Variants in PLD5 observed in about 807,000 individuals in gnomAD.
PLD5 encodes inactive phospholipase D5.
A neutral mutation model predicts 61.1 loss-of-function variants in PLD5; 36 were observed. The ratio of observed to expected loss-of-function variants is 0.59; its 90% CI spans 0.45 to 0.78. The LOEUF (loss-of-function observed/expected upper bound fraction) is 0.78. Ranked by LOEUF, PLD5 falls within the 30% of genes least tolerant of loss-of-function variation. PLD5 has a pLI of 0.00. For synonymous variants in PLD5, 243 were observed against 242.8 expected (o/e 1.00, Z -0.01); for missense variants, 515 against 644.4 (o/e 0.80, Z 2.17).
At chr1:242,196,585 T>C (rs1668650407) in intron 5 of PLD5, among the ~76,000 whole-genome samples, 1 of 152,188 alleles carries the variant, frequency 6.6e-6, no homozygotes, top group African/African-American at 2.4e-5. Flanking sequence ...CATGTACATA[T>C]ACATGTACAC....
chr1:242,311,147 C>T (rs888906506), intron 2 of PLD5, among the ~76,000 whole-genome samples: 6 of 151,982 alleles, frequency 3.9e-5, no homozygotes, highest in Non-Finnish European at 7.4e-5. Context: ...TAAACAAAAA[C>T]GCCAAGTAAC....
chr1:242,443,575 G>A (rs991366192), intron 1 of PLD5, among the ~76,000 whole-genome samples: 1 of 152,148 alleles, frequency 6.6e-6, no homozygotes, highest in African/African-American at 2.4e-5. Context: ...GGAAGTTAGA[G>A]ATGAAGTACA....
chr1:242,173,212 G>T (rs1445289061), intron 5 of PLD5, among the ~76,000 whole-genome samples: 1 of 152,106 alleles, frequency 6.6e-6, no homozygotes, highest in African/African-American at 2.4e-5. Flanking sequence ...AAAGTCTCAG[G>T]ATACAAAATC....
At chr1:242,242,064 G>A (rs1304933302) in intron 4 of PLD5, among the ~76,000 whole-genome samples, 1 of 141,952 alleles carries the variant, frequency 7.0e-6, no homozygotes, top group Non-Finnish European at 1.5e-5. Context: ...ATGGAGAGAA[G>A]GATGTGGAGA....
intron 5 of PLD5, among the ~76,000 whole-genome samples, chr1:242,213,366 T>C (rs926864198): frequency 3.3e-5 from 5 of 152,184 alleles, no homozygotes; most frequent in Non-Finnish European, 7.3e-5. Context: ...ATTTTATGGA[T>C]GATATTTTAC....
chr1:242,362,571 C>A (rs1048259056), intron 1 of PLD5, among the ~76,000 whole-genome samples: 1 of 152,118 alleles, frequency 6.6e-6, no homozygotes, highest in Admixed American at 6.6e-5. Context: ...TTATCTTGAG[C>A]TCCTAGTGAT....
chr1:242,304,721 T>G (rs2149165279), intron 2 of PLD5, among the ~76,000 whole-genome samples: 1 of 152,376 alleles, frequency 6.6e-6, no homozygotes, highest in African/African-American at 2.4e-5. Context: ...TTTCTTGATA[T>G]AAAACTTCAG....
intron 1 of PLD5, among the ~76,000 whole-genome samples, chr1:242,410,277 A>G (rs1664476162): frequency 1.3e-5 from 2 of 152,192 alleles, no homozygotes; most frequent in Admixed American, 6.5e-5. Flanking sequence ...AGCTAAGCAC[A>G]TCCAAGATAC....
chr1:242,101,227 A>G (rs926620122), intron 8 of PLD5, among the ~76,000 whole-genome samples: 4 of 152,224 alleles, frequency 2.6e-5, no homozygotes, highest in African/African-American at 9.6e-5. Context: ...CCAAGGTCAA[A>G]AGAGACTTTG....
chr1:242,428,876 G>C (rs1665569710), intron 1 of PLD5, among the ~76,000 whole-genome samples: 1 of 152,196 alleles, frequency 6.6e-6, no homozygotes, highest in Non-Finnish European at 1.5e-5. Context: ...GCATGACAAA[G>C]AAATCACAAA....
intron 1 of PLD5, among the ~76,000 whole-genome samples, chr1:242,350,021 T>A (rs1401015558): frequency 6.6e-6 from 1 of 151,856 alleles, no homozygotes; most frequent in Non-Finnish European, 1.5e-5. Context: ...TACACTCCAG[T>A]GTGGGCATCA....
At chr1:242,143,869 T>TC (rs1374907148) in intron 5 of PLD5, among the ~76,000 whole-genome samples, 1 of 150,990 alleles carries the variant, frequency 6.6e-6, no homozygotes, top group Non-Finnish European at 1.5e-5. Context: ...TGAGTCAGAG[T>TC]CTTGATCTGT....
At chr1:242,124,271 G>A (rs1662607840) in intron 6 of PLD5, 197 bp downstream of exon 6, 1 of 547,606 alleles carries the variant, frequency 1.8e-6, no homozygotes. Flanking sequence ...TCTGACACAA[G>A]GAATGATGAT....
chr1:242,285,231 C>T (rs1674953875), intron 3 of PLD5, among the ~76,000 whole-genome samples: 1 of 152,230 alleles, frequency 6.6e-6, no homozygotes, highest in Non-Finnish European at 1.5e-5. Context: ...TACCTTTCTA[C>T]ATCAATAACA....
At chr1:242,339,023 T>A (rs1659685552) in intron 2 of PLD5, among the ~76,000 whole-genome samples, 2 of 152,204 alleles carry the variant, frequency 1.3e-5, no homozygotes, top group South Asian at 4.2e-4. Context: ...TTTTTCTAAC[T>A]CATTTCTACA....
chr1:242,308,525 T>G (rs2149170475), intron 2 of PLD5, among the ~76,000 whole-genome samples: 1 of 152,300 alleles, frequency 6.6e-6, no homozygotes, highest in South Asian at 2.1e-4. Context: ...ATATTAAAAT[T>G]ATTACAAATC....
chr1:242,274,099 T>C (rs1238932919), intron 3 of PLD5, among the ~76,000 whole-genome samples: 3 of 152,224 alleles, frequency 2.0e-5, no homozygotes, highest in South Asian at 4.1e-4. Context: ...AAGCCAGCTA[T>C]ATAAAAGTAA....
chr1:242,433,384 G>C (rs1245011583), intron 1 of PLD5, among the ~76,000 whole-genome samples: 1 of 152,116 alleles, frequency 6.6e-6, no homozygotes, highest in Non-Finnish European at 1.5e-5. Context: ...GTACAATCCT[G>C]GGAACTCATT....
intron 4 of PLD5, among the ~76,000 whole-genome samples, chr1:242,227,679 T>C (rs1671037835): frequency 6.6e-6 from 1 of 152,184 alleles, no homozygotes; most frequent in African/African-American, 2.4e-5. Context: ...CACTGTTCTT[T>C]ATGTGTGGAT....
Sources: allele counts gnomAD v4.1 joint callset (sites outside exome capture counted in the v4.1 genomes callset), GRCh38; gene constraint gnomAD v4.1.1; transcripts MANE v1.5; gene names NCBI Gene and HGNC (gene_info 2026-07-23, HGNC 2026-07-21).